Variants in EPB41L1 observed in about 807,000 individuals in gnomAD.
EPB41L1 encodes erythrocyte membrane protein band 4.1 like 1, also known as band 4.1-like protein 1.
A neutral mutation model predicts 97.8 loss-of-function variants in EPB41L1; 29 were observed. The observed-to-expected ratio is 0.30, with a 90% CI of 0.22 to 0.40. The LOEUF (loss-of-function observed/expected upper bound fraction) is 0.40. Among genes scored for constraint, EPB41L1 ranks in the 10% least tolerant of loss-of-function variants. The pLI is 1.00. For missense variants in EPB41L1, 812 were observed against 1,162.3 expected (o/e 0.70, Z 4.38); for synonymous variants, 383 against 459.2 (o/e 0.83, Z 2.12).
intron 2 of EPB41L1, among the ~76,000 whole-genome samples, chr20:36,143,736 A>G (rs1243973468): frequency 6.6e-6 from 1 of 151,832 alleles, no homozygotes; most frequent in East Asian, 1.9e-4. Flanking sequence ...GTGTGTGTGT[A>G]TGTGTGTGCA....
chr20:36,199,297 C>G (rs1253355798), intron 14 of EPB41L1, among the ~76,000 whole-genome samples: 1 of 151,720 alleles, frequency 6.6e-6, no homozygotes, highest in Non-Finnish European at 1.5e-5. Context: ...GAACCAGAAC[C>G]CAATTTTCTT....
intron 21 of EPB41L1, among the ~76,000 whole-genome samples, chr20:36,225,258 A>T (rs1396535929): frequency 2.0e-5 from 3 of 152,242 alleles, no homozygotes; most frequent in Admixed American, 2.0e-4. Flanking sequence ...AGTGATTGTC[A>T]TTCCTATCCC....
chr20:36,094,340 A>T lies in EPB41L1; in HGVS notation c.-65+2728A>T, dbSNP rs568142558. 2.6e-5 allele frequency among the ~76,000 whole-genome samples: 4 copies of T among 152,306 alleles called. No homozygotes were observed. In the East Asian group the frequency reaches 7.7e-4, roughly 29 times the overall value. On this transcript the variant is annotated intron_variant, in intron 1 of 19. Transcript: ENST00000202028. The stretch of plus-strand genomic sequence containing the variant: ...CTGTACCGGGCCACGCCATTTTTGA[A>T]AAACTGCGTGAAAAGGAAGTTTGGG...
intron 1 of EPB41L1, among the ~76,000 whole-genome samples, chr20:36,103,568 C>T (rs2058089890): frequency 6.6e-6 from 1 of 152,140 alleles, no homozygotes; most frequent in Non-Finnish European, 1.5e-5. Context: ...GACAAGTCTA[C>T]TGGGGGCTTG....
intron 1 of EPB41L1, among the ~76,000 whole-genome samples, chr20:36,106,806 A>G (rs1340992073): frequency 6.6e-6 from 1 of 152,190 alleles, no homozygotes; most frequent in African/African-American, 2.4e-5. Context: ...GACATGTAAA[A>G]TGTGGCTAGT....
intron 14 of EPB41L1, among the ~76,000 whole-genome samples, chr20:36,203,037 C>G (rs1462377748): frequency 6.6e-6 from 1 of 152,176 alleles, no homozygotes; most frequent in Non-Finnish European, 1.5e-5. Flanking sequence ...GAGCAAGGCA[C>G]CGACGGTCCC....
chr20:36,140,081 G>A (rs568175755), intron 2 of EPB41L1, among the ~76,000 whole-genome samples: 2 of 148,704 alleles, frequency 1.3e-5, no homozygotes, highest in South Asian at 2.1e-4. Context: ...TTGAGACAGA[G>A]TCTCGCTCTG....
intron 15 of EPB41L1, among the ~76,000 whole-genome samples, chr20:36,210,897 AC>A (rs1207741521): frequency 6.6e-6 from 1 of 152,074 alleles, no homozygotes; most frequent in Admixed American, 6.5e-5. Flanking sequence ...CAGGGTTGCA[AC>A]CATCTATAAG....
At chr20:36,103,341 C>G (rs2058079885) in intron 1 of EPB41L1, among the ~76,000 whole-genome samples, 1 of 152,198 alleles carries the variant, frequency 6.6e-6, no homozygotes, top group Non-Finnish European at 1.5e-5. Flanking sequence ...CTGGGCTGAG[C>G]TGGCCTCTTT....
At chr20:36,117,405 G>A (rs572847356) in intron 2 of EPB41L1, among the ~76,000 whole-genome samples, 4 of 151,334 alleles carry the variant, frequency 2.6e-5, no homozygotes, top group African/African-American at 9.9e-5. Flanking sequence ...GGGGAAAAGA[G>A]GCAGAGGACA....
At chr20:36,125,552 A>G in intron 2 of EPB41L1, 1 of 1,535,066 alleles carries the variant, frequency 6.5e-7, no homozygotes, top group Non-Finnish European at 8.7e-7. Flanking sequence ...TCCATTCAAC[A>G]GTGGGGGATT....
upstream of EPB41L1, chr20:36,152,962 C>T: frequency 2.2e-6 from 1 of 456,274 alleles, no homozygotes; most frequent in Non-Finnish European, 4.4e-6. Context: ...CACCTTCTGT[C>T]TGGAGGGTGG....
intron 14 of EPB41L1, chr20:36,200,799 C>T (rs2062452965): frequency 1.1e-5 from 5 of 435,010 alleles, no homozygotes; most frequent in Admixed American, 7.8e-5. Context: ...TTCTCTTTCC[C>T]TCTCTTCCTG....
At chr20:36,175,466 G>C in intron 2 of EPB41L1, 85 bp from the exon 3 acceptor site, 1 of 1,533,924 alleles carries the variant, frequency 6.5e-7, no homozygotes, top group Non-Finnish European at 9.0e-7. Flanking sequence ...CTTGGCCCCA[G>C]ATGCCTCTAT....
At position 36,138,882 on chromosome 20, in the gene EPB41L1, A is replaced by AT. The variant is rs140780533; in HGVS notation, c.-10+26412dup. On this transcript the variant is annotated intron_variant, in intron 2 of 19. Transcript: ENST00000202028. ...GAATTTTCTGCCTCTGTTGTGTCCC[A>AT]TTTTTTTTTTCTCTCTTGCCTTGTG... Among the ~76,000 whole-genome samples the AT allele has an allele frequency of 3.4e-3, 497 of 146,486 alleles. 2 individuals carry two copies. The highest frequency in any genetic ancestry group is 0.011 in the African/African-American group (455 of 40,122).
chr20:36,114,427 A>G (rs1282348571), intron 2 of EPB41L1, among the ~76,000 whole-genome samples: 3 of 152,160 alleles, frequency 2.0e-5, no homozygotes, highest in African/African-American at 7.2e-5. Flanking sequence ...AAAACTGCCC[A>G]CTGCAACCCA....
At chr20:36,227,027 A>T (rs893570465) in intron 21 of EPB41L1, among the ~76,000 whole-genome samples, 8 of 152,182 alleles carry the variant, frequency 5.3e-5, no homozygotes, top group Admixed American at 2.6e-4. Flanking sequence ...CTCAATTTTG[A>T]CCAGGGGCCA....
upstream of EPB41L1, chr20:36,152,751 C>T: frequency 3.0e-6 from 1 of 337,934 alleles, no homozygotes; most frequent in Non-Finnish European, 5.9e-6. Context: ...AAACAGAGCA[C>T]CTTGTGTGGC....
intron 1 of EPB41L1, among the ~76,000 whole-genome samples, chr20:36,094,958 C>T (rs941686223): frequency 1.3e-5 from 2 of 152,020 alleles, no homozygotes; most frequent in East Asian, 1.9e-4. Flanking sequence ...TGAGCCACCA[C>T]GCCCAGCTAA....
Sources: gnomAD v4.1 joint callset for allele counts (sites outside exome capture counted in the v4.1 genomes callset) on GRCh38, gnomAD v4.1.1 for gene constraint, MANE v1.5 for transcripts, NCBI Gene and HGNC (gene_info 2026-07-23, HGNC 2026-07-21) for gene names.